MTARC2: variants seen among roughly 807,000 people sequenced by gnomAD.
MTARC2 encodes MOCO sulphurase C-terminal domain containing 2.
Under a neutral mutation model 35.6 loss-of-function variants are expected in MTARC2, and 27 were observed. That is an observed-to-expected ratio of 0.76 (90% CI 0.56 to 1.04). The LOEUF (loss-of-function observed/expected upper bound fraction) is 1.04, where lower values mean the gene tolerates loss of function less well. Ranked by LOEUF, MTARC2 falls within the 50% of genes least tolerant of loss-of-function variation. The probability of loss-of-function intolerance (pLI) is 0.00; values close to 1 mark genes in which losing one functional copy is unlikely to be tolerated. For missense variants in MTARC2, 412 were observed against 432.5 expected (o/e 0.95, Z 0.42); for synonymous variants, 158 against 167.1 (o/e 0.95, Z 0.42).
intron 6 of MTARC2, among the ~76,000 whole-genome samples, chr1:220,781,361 C>G (rs1413525802): frequency 2.6e-5 from 4 of 152,140 alleles, no homozygotes; most frequent in Non-Finnish European, 5.9e-5. Context: ...TGAACCCCAG[C>G]TTTGGGCTCA....
chr1:220,750,371 G>A (rs903261172), intron 1 of MTARC2, among the ~76,000 whole-genome samples: 1 of 152,108 alleles, frequency 6.6e-6, no homozygotes, highest in African/African-American at 2.4e-5. Flanking sequence ...TTGAAGGGTT[G>A]GTTTCACAGA....
At chr1:220,774,430 A>G (rs1178610196) in intron 4 of MTARC2, among the ~76,000 whole-genome samples, 1 of 152,252 alleles carries the variant, frequency 6.6e-6, no homozygotes, top group African/African-American at 2.4e-5. Flanking sequence ...ATTTAGAAAC[A>G]GAATAGTCTT....
At chr1:220,770,399 C>T (rs1671710030) in intron 4 of MTARC2, 2 of 985,402 alleles carry the variant, frequency 2.0e-6, no homozygotes, top group Non-Finnish European at 2.4e-6. Flanking sequence ...GGAAGTGTGT[C>T]TTCAGAGACG....
chr1:220,761,941 G>C (rs1671449364), intron 3 of MTARC2, 121 bp downstream of exon 3: 2 of 984,006 alleles, frequency 2.0e-6, no homozygotes, highest in Admixed American at 2.4e-5. Context: ...AATGGCCCTG[G>C]TGAGTGATAA....
At chr1:220,760,285 A>C (rs1239166019) in intron 2 of MTARC2, among the ~76,000 whole-genome samples, 2 of 152,220 alleles carry the variant, frequency 1.3e-5, no homozygotes, top group African/African-American at 4.8e-5. Flanking sequence ...TGGTTGTACA[A>C]GTCAGTGGTT....
At chr1:220,758,841 G>A (rs9430990) in intron 2 of MTARC2, among the ~76,000 whole-genome samples, 2 of 151,866 alleles carry the variant, frequency 1.3e-5, no homozygotes, top group African/African-American at 2.4e-5. Flanking sequence ...ATGTGTGTGT[G>A]TGTGTGTGTC....
At chr1:220,761,340 G>T (rs547599561) in intron 2 of MTARC2, among the ~76,000 whole-genome samples, 13 of 152,194 alleles carry the variant, frequency 8.5e-5, no homozygotes, top group African/African-American at 3.1e-4. Flanking sequence ...AAATCCTTAC[G>T]TTCATGGACC....
At position 220,752,943 on chromosome 1, in the gene MTARC2, G is replaced by A. The variant is rs373656447; in HGVS notation, c.273-2004G>A. ...ACTTAGGAAATGGTGGGCTGGGCAC[G>A]GTGGCTCACGCCTGTAATCCCAACA... On this transcript the variant is annotated intron_variant, in intron 1 of 7. Coordinates refer to ENST00000366913, the MANE Select transcript of MTARC2 (RefSeq NM_017898.5). Among the ~76,000 whole-genome samples, 9 of 151,796 alleles carry A rather than the reference G, an allele frequency of 5.9e-5. No individual in the cohort carries two copies. In the South Asian group the frequency reaches 8.3e-4, roughly 14 times the overall value.
intron 4 of MTARC2, among the ~76,000 whole-genome samples, chr1:220,772,684 GTGTGTGTGTGTGTGTT>G (rs1297198787): frequency 6.7e-6 from 1 of 150,122 alleles, no homozygotes; most frequent in Non-Finnish European, 1.5e-5. Flanking sequence ...TCTGGGCAGG[GTGTGTGTGTGTGTGTT>G]TGTGTGTGTG....
At chr1:220,774,748 C>G (rs752233462) in intron 4 of MTARC2, among the ~76,000 whole-genome samples, 55 of 152,202 alleles carry the variant, frequency 3.6e-4, no homozygotes, top group Non-Finnish European at 1.6e-4. Context: ...CCACCTCACT[C>G]TCAGCGGTCT....
At chr1:220,756,536 C>T (rs1168078038) in intron 2 of MTARC2, 1 of 152,268 alleles carries the variant, frequency 6.6e-6, no homozygotes, top group African/African-American at 2.4e-5. Context: ...ACCCACTTCC[C>T]TCCTAAGGCT....
At chr1:220,754,926 C>A (rs1558063686) in intron 1 of MTARC2, 21 bp from the exon 2 acceptor site, 1 of 1,557,530 alleles carries the variant, frequency 6.4e-7, no homozygotes, top group Admixed American at 1.9e-5. Context: ...TCTGAGTGTG[C>A]CCTGGTTTGT....
intron 7 of MTARC2, 109 bp from the exon 8 acceptor site, chr1:220,783,810 T>C (rs1240446873): frequency 1.4e-5 from 10 of 707,800 alleles, no homozygotes; most frequent in Middle Eastern, 2.3e-4. Flanking sequence ...CACTGCACCA[T>C]ACATTTATAT....
intron 6 of MTARC2, among the ~76,000 whole-genome samples, 178 bp downstream of exon 6, chr1:220,780,417 C>A (rs981023247): frequency 6.6e-6 from 1 of 150,740 alleles, no homozygotes; most frequent in Non-Finnish European, 1.5e-5. Flanking sequence ...TGCTTCCTCT[C>A]TTTTTCTGGA....
At chr1:220,756,449 G>C (rs561946612) in intron 2 of MTARC2, 1 of 152,228 alleles carries the variant, frequency 6.6e-6, no homozygotes, top group Non-Finnish European at 1.5e-5. Context: ...GCCCATGAGG[G>C]GGTCATTAAT....
In MTARC2 at chr1:220,772,683, G is replaced by GGTGTATGTGTGTGTGTTTGTGTGT. The variant is rs774757503; in HGVS notation, c.751-7331_751-7330insATGTGTGTGTGTTTGTGTGTGTGT. On this transcript the variant is annotated intron_variant, in intron 4 of 7. Transcript: ENST00000366913. ...AGTGAGAAAGAGGCACTCTGGGCAG[G>GGTGTATGTGTGTGTGTTTGTGTGT]GTGTGTGTGTGTGTGTTTGTGTGTG... Among the ~76,000 whole-genome samples, 13 of 148,034 alleles carry GGTGTATGTGTGTGTGTTTGTGTGT rather than the reference G, an allele frequency of 8.8e-5. No individual in the cohort carries two copies. The East Asian group carries it at 2.6e-3, about 29-fold the overall frequency.
At chr1:220,770,668 C>A in intron 4 of MTARC2, 3 of 642,422 alleles carry the variant, frequency 4.7e-6, no homozygotes, top group Non-Finnish European at 5.8e-6. Context: ...CAGTCCAGCA[C>A]AGCCCAGGCT....
chr1:220,770,419 G>A (rs1049657242), intron 4 of MTARC2: 7 of 985,330 alleles, frequency 7.1e-6, no homozygotes, highest in Admixed American at 1.2e-4. Flanking sequence ...GGTGGTGCGC[G>A]GTATTCCCCT....
In MTARC2 at chr1:220,780,204, C is replaced by T. The variant is rs756113608; in HGVS notation, c.849C>T (p.Val283=). The part of the protein sequence containing the change: ...ILTTVDPDTG[V]IDRKQPLDTL... Reference sequence around the variant, plus strand: ...CAACGGTGGACCCAGACACTGGAGTCATAGACAGGAAACAGCCACTGGACA... The same window carrying T: ...CAACGGTGGACCCAGACACTGGAGTTATAGACAGGAAACAGCCACTGGACA... Residue 283 remains valine, a synonymous_variant, in exon 6 of 8, where the codon GTC becomes GTT. Transcript: ENST00000366913. 34 of 1,612,606 alleles carry T rather than the reference C, an allele frequency of 2.1e-5. No individual in the cohort carries two copies. The highest frequency in any genetic ancestry group is 4.5e-5 in the East Asian group (2 of 44,842).
Sources: gnomAD v4.1 joint callset for allele counts (sites outside exome capture counted in the v4.1 genomes callset) on GRCh38, gnomAD v4.1.1 for gene constraint, MANE v1.5 for transcripts, NCBI Gene and HGNC (gene_info 2026-07-23, HGNC 2026-07-21) for gene names.